MARK4: variants seen among roughly 807,000 people sequenced by gnomAD.
The protein encoded by MARK4 is MAP/microtubule affinity-regulating kinase 4.
In MARK4, 19 loss-of-function variants were observed where a neutral mutation model predicts 81.5. The observed-to-expected ratio is 0.23, with a 90% CI of 0.16 to 0.34. The LOEUF (loss-of-function observed/expected upper bound fraction) is 0.34, where lower values mean the gene tolerates loss of function less well. MARK4 is among the 10% of genes least tolerant of loss of function. The pLI, the probability that MARK4 is intolerant of heterozygous loss-of-function variation, is 1.00. For missense variants in MARK4, 772 were observed against 1,058.8 expected (o/e 0.73, Z 3.76); for synonymous variants, 436 against 439.0 (o/e 0.99, Z 0.08).
chr19:45,258,187 A>G (rs1970333921), intron 1 of MARK4, among the ~76,000 whole-genome samples: 1 of 148,814 alleles, frequency 6.7e-6, no homozygotes, highest in African/African-American at 2.5e-5. Flanking sequence ...GGTTTTCACC[A>G]TATTGGCCAG....
chr19:45,263,191 G>A, intron 3 of MARK4, 25 bp downstream of exon 3: 1 of 1,611,916 alleles, frequency 6.2e-7, no homozygotes, highest in Non-Finnish European at 8.5e-7. Context: ...ACGGGGGAGA[G>A]CAGGAGCCAG....
At chr19:45,273,251 G>A (rs1015593620) in intron 8 of MARK4, among the ~76,000 whole-genome samples, 2 of 152,256 alleles carry the variant, frequency 1.3e-5, no homozygotes, top group Admixed American at 1.3e-4. Context: ...TCGCTGGCCT[G>A]TGTCCACATT....
In MARK4 at chr19:45,294,353, A is replaced by G; in HGVS notation, c.1499A>G (p.Asn500Ser). Residue 500 changes from asparagine to serine, a missense_variant, in exon 14 of 17, where the codon AAC becomes AGC. By Grantham distance (46) the Asn-to-Ser change is conservative (BLOSUM62 1). Transcript: ENST00000262891. The stretch of plus-strand genomic sequence containing the variant: ...TCCTGGCTGTGTCTCCTGCAGAACA[A>G]CCTCCCTCCTAGCATGATGACCCGC... The part of the protein sequence containing the change: ...RRKDSTSTPN[N>S]LPPSMMTRRN... The G allele has an allele frequency of 6.2e-7, 1 of 1,612,962 alleles. No individual in the cohort carries two copies. The highest frequency in any genetic ancestry group is 1.1e-5 in the South Asian group (1 of 91,006).
At chr19:45,286,845 T>C (rs1970748943) in intron 12 of MARK4, among the ~76,000 whole-genome samples, 1 of 152,184 alleles carries the variant, frequency 6.6e-6, no homozygotes, top group Non-Finnish European at 1.5e-5. Flanking sequence ...ACTTTTTTGC[T>C]TTTGTAGACA....
intron 14 of MARK4, among the ~76,000 whole-genome samples, 158 bp downstream of exon 14, chr19:45,294,610 C>A (rs1970862994): frequency 6.6e-6 from 1 of 152,152 alleles, no homozygotes; most frequent in Admixed American, 6.5e-5. Flanking sequence ...CCATGTACCC[C>A]CCTGAAAATC....
In MARK4 at chr19:45,278,572, A is replaced by G. The variant is rs1970631684; in HGVS notation, c.963A>G (p.Pro321=). ...GCTATGAGGGTGAGGAGTTGAAGCC[A>G]TACACAGAGCCCGAGGAGGACTTCG... ...NIGYEGEELK[P]YTEPEEDFGD... Residue 321 remains proline (P), a synonymous_variant, in exon 10 of 17, where the codon CCA becomes CCG. Coordinates refer to ENST00000262891, the MANE Select transcript of MARK4 (RefSeq NM_001199867.2). 9 of 1,613,956 alleles carry G rather than the reference A, an allele frequency of 5.6e-6. No homozygotes were observed. The African/African-American group carries it at 9.3e-5, about 17-fold the overall frequency.
intron 12 of MARK4, among the ~76,000 whole-genome samples, chr19:45,282,094 G>A (rs534599647): frequency 3.3e-4 from 50 of 151,884 alleles, no homozygotes; most frequent in African/African-American, 4.3e-4. Context: ...GTGTTGGTGC[G>A]TGCCTATAAT....
In MARK4 at chr19:45,299,816, C is replaced by G. The variant is rs747962450; in HGVS notation, c.1883C>G (p.Ala628Gly). 1 of 1,605,034 alleles carries G rather than the reference C, an allele frequency of 6.2e-7. No homozygotes were observed. The highest frequency in any genetic ancestry group is 2.3e-5 in the East Asian group (1 of 44,364). ...KLTSKLTRRV[A>G]DEPERIGGPE... ...GTCCCCCTCCCCTCCCCTAGGGTCG[C>G]AGACGAACCTGAGAGAATCGGGGGA... Residue 628 changes from alanine (A) to glycine (G), a missense_variant, in exon 16 of 17, where the codon GCA (alanine) becomes GGA (glycine). Physicochemically the swap from Ala to Gly is moderately conservative, Grantham distance 60. Coordinates refer to ENST00000262891, the MANE Select transcript of MARK4 (RefSeq NM_001199867.2).
chr19:45,279,697 T>C (rs1346475220), intron 10 of MARK4, among the ~76,000 whole-genome samples: 1 of 152,194 alleles, frequency 6.6e-6, no homozygotes, highest in African/African-American at 2.4e-5. Context: ...AGTGATGATT[T>C]ATTCTGCCAC....
At chr19:45,253,506 G>A (rs554569434) in intron 1 of MARK4, among the ~76,000 whole-genome samples, 7 of 152,308 alleles carry the variant, frequency 4.6e-5, no homozygotes, top group East Asian at 1.9e-4. Context: ...AGGCTTACTC[G>A]ATTCAGGCGA....
At chr19:45,288,686 TA>T (rs2123093094) in intron 13 of MARK4, 1 of 148,646 alleles carries the variant, frequency 6.7e-6, no homozygotes, top group African/African-American at 2.5e-5. Context: ...TCAATTCTAC[TA>T]AAAATACAAA....
At chr19:45,288,179 G>A (rs1439876183) in intron 13 of MARK4, 4 of 159,660 alleles carry the variant, frequency 2.5e-5, no homozygotes, top group Non-Finnish European at 5.5e-5. Context: ...AGGGAGCTGT[G>A]TTCCCGCCAC....
At chr19:45,261,222 C>T (rs549742878) in intron 2 of MARK4, among the ~76,000 whole-genome samples, 26 of 152,262 alleles carry the variant, frequency 1.7e-4, no homozygotes, top group East Asian at 7.7e-4. Flanking sequence ...GATTTTTACG[C>T]GCTAGTTTGT....
intron 1 of MARK4, among the ~76,000 whole-genome samples, chr19:45,252,173 C>T (rs1970252562): frequency 6.6e-6 from 1 of 151,982 alleles, no homozygotes; most frequent in South Asian, 2.1e-4. Context: ...GCACCCAGGG[C>T]GCCTGTGGGC....
chr19:45,257,685 T>A (rs1200903531), intron 1 of MARK4, among the ~76,000 whole-genome samples: 1 of 108,842 alleles, frequency 9.2e-6, no homozygotes, highest in Non-Finnish European at 2.0e-5. Context: ...GCCTGGCCCA[T>A]AATATTTTTT....
At chr19:45,295,742 G>GTA (rs1163617785) in intron 14 of MARK4, among the ~76,000 whole-genome samples, 4 of 152,128 alleles carry the variant, frequency 2.6e-5, no homozygotes, top group African/African-American at 9.7e-5. Context: ...TTGCGCCACT[G>GTA]TACTCCAGCC....
chr19:45,291,418 G>A (rs566438739), intron 13 of MARK4, among the ~76,000 whole-genome samples: 3 of 152,176 alleles, frequency 2.0e-5, no homozygotes, highest in South Asian at 2.1e-4. Context: ...AGGCCGAGGC[G>A]GTGAATCACT....
chr19:45,260,310 A>C (rs1970364555), intron 2 of MARK4, among the ~76,000 whole-genome samples: 1 of 151,414 alleles, frequency 6.6e-6, no homozygotes, highest in East Asian at 1.9e-4. Context: ...GAATTGCTTG[A>C]GCCCAGGAGG....
intron 13 of MARK4, chr19:45,287,967 AG>A (rs1970768750): frequency 4.7e-6 from 2 of 424,724 alleles, no homozygotes; most frequent in Non-Finnish European, 8.8e-6. Context: ...GGCCAGGCAC[AG>A]TGGCTCATGC....
Sources: gnomAD v4.1 joint callset for allele counts (sites outside exome capture counted in the v4.1 genomes callset) on GRCh38, gnomAD v4.1.1 for gene constraint, MANE v1.5 for transcripts, NCBI Gene and HGNC (gene_info 2026-07-23, HGNC 2026-07-21) for gene names.